PRIM2: variants seen among roughly 807,000 people sequenced by gnomAD.
The protein encoded by PRIM2 is DNA primase subunit 2.
Under a neutral mutation model 67.3 loss-of-function variants are expected in PRIM2, and 39 were observed. That is an observed-to-expected ratio of 0.58 (90% CI 0.45 to 0.76). The LOEUF (loss-of-function observed/expected upper bound fraction) is 0.76. PRIM2 is among the 30% of genes least tolerant of loss of function. The probability of loss-of-function intolerance (pLI) is 0.00; values close to 1 mark genes in which losing one functional copy is unlikely to be tolerated. For missense variants in PRIM2, 398 were observed against 598.7 expected, an observed-to-expected ratio of 0.66 and a Z score of 3.50; for synonymous variants, 143 against 198.7, an observed-to-expected ratio of 0.72 and a Z score of 2.36.
At chr6:57,398,221 A>G (rs1581863012) in intron 7 of PRIM2, among the ~76,000 whole-genome samples, 1 of 152,106 alleles carries the variant, frequency 6.6e-6, no homozygotes, top group Non-Finnish European at 1.5e-5. Flanking sequence ...GCCTCCCAGA[A>G]TGGTGGGATT....
intron 7 of PRIM2, among the ~76,000 whole-genome samples, chr6:57,398,963 T>C (rs571235089): frequency 2.0e-5 from 3 of 152,206 alleles, no homozygotes; most frequent in Admixed American, 2.0e-4. Context: ...GAAATTGGGA[T>C]TGCAACCCCT....
At position 57,573,997 on chromosome 6, in the gene PRIM2, G is replaced by C. The variant is rs1192748239; in HGVS notation, c.1021-27096G>C. On this transcript the variant is annotated intron_variant, in intron 10 of 13. Coordinates refer to ENST00000615550, the MANE Select transcript of PRIM2 (RefSeq NM_000947.5). ...CTGTAGTAGTGAGGCAAAAGAATAG[G>C]CTCTGAAGGCAGGGAACCTAAGGCC... Among the ~76,000 whole-genome samples the C allele has an allele frequency of 1.1e-3, 164 of 151,690 alleles. 1 individual carries two copies. The Middle Eastern group carries it at 0.031, about 28-fold the overall frequency.
chr6:57,526,333 G>A (rs1774752241), intron 8 of PRIM2, among the ~76,000 whole-genome samples: 1 of 152,088 alleles, frequency 6.6e-6, no homozygotes. Context: ...ATTATGCATA[G>A]GGAGTGTAAG....
At chr6:57,614,378 G>GA (rs1306412628) in intron 12 of PRIM2, among the ~76,000 whole-genome samples, 1 of 151,958 alleles carries the variant, frequency 6.6e-6, no homozygotes. Flanking sequence ...GAACATCTTT[G>GA]AAAAAATGGT....
At chr6:57,610,380 T>C (rs1231814222) in intron 12 of PRIM2, among the ~76,000 whole-genome samples, 4 of 152,188 alleles carry the variant, frequency 2.6e-5, no homozygotes, top group African/African-American at 7.2e-5. Context: ...GAAATAGATA[T>C]TTTAAGTAAT....
chr6:57,467,434 A>T (rs1172871851), intron 7 of PRIM2, among the ~76,000 whole-genome samples: 1 of 152,022 alleles, frequency 6.6e-6, no homozygotes, highest in Non-Finnish European at 1.5e-5. Flanking sequence ...TGAGATGTTT[A>T]TAGATGTGTG....
At chr6:57,438,746 T>C (rs1479595633) in intron 7 of PRIM2, among the ~76,000 whole-genome samples, 3 of 152,148 alleles carry the variant, frequency 2.0e-5, no homozygotes, top group African/African-American at 4.8e-5. Context: ...AGTTCATGAA[T>C]TGTGCATGTA....
intron 10 of PRIM2, among the ~76,000 whole-genome samples, chr6:57,584,427 C>A (rs1271240977): frequency 6.6e-6 from 1 of 152,130 alleles, no homozygotes; most frequent in Non-Finnish European, 1.5e-5. Context: ...TAAGGTTATT[C>A]TATTTAATAC....
intron 12 of PRIM2, among the ~76,000 whole-genome samples, chr6:57,615,769 C>T (rs1776745473): frequency 1.3e-5 from 2 of 152,228 alleles, no homozygotes; most frequent in Non-Finnish European, 2.9e-5. Context: ...TGATGCACAC[C>T]TGTAGTTCTA....
At chr6:57,559,552 T>G (rs1402786985) in intron 10 of PRIM2, among the ~76,000 whole-genome samples, 7 of 152,338 alleles carry the variant, frequency 4.6e-5, no homozygotes, top group South Asian at 2.1e-4. Context: ...TGATTTAAAA[T>G]AATTGAAGAA....
intron 10 of PRIM2, among the ~76,000 whole-genome samples, chr6:57,587,873 G>A (rs1463095331): frequency 7.9e-5 from 12 of 151,908 alleles, no homozygotes; most frequent in South Asian, 2.1e-4. Context: ...AGTAATGCAC[G>A]GATTAGAAGT....
chr6:57,611,721 G>C (rs1283070714), intron 12 of PRIM2, among the ~76,000 whole-genome samples: 2 of 152,050 alleles, frequency 1.3e-5, no homozygotes, highest in Admixed American at 6.6e-5. Flanking sequence ...CCTTGGGTTT[G>C]GTGTGTTCCC....
the PRIM2 span, among the ~76,000 whole-genome samples, chr6:57,305,189 C>T: frequency 6.6e-6 from 1 of 152,086 alleles, no homozygotes. Context: ...TTACAACCTA[C>T]TTCAGTTTCC....
At chr6:57,457,137 G>A (rs150155952) in intron 7 of PRIM2, among the ~76,000 whole-genome samples, 96 of 122,000 alleles carry the variant, frequency 7.9e-4, no homozygotes, top group African/African-American at 3.0e-3. Flanking sequence ...CTGCCTGATC[G>A]TTCCTCTGGA....
At chr6:57,299,095 T>C in the PRIM2 span, among the ~76,000 whole-genome samples, 4 of 152,172 alleles carry the variant, frequency 2.6e-5, no homozygotes, top group East Asian at 1.9e-4. Context: ...TTTTTCTGTG[T>C]GTGTGTGTGT....
At chr6:57,239,598 AG>A in the PRIM2 span, among the ~76,000 whole-genome samples, 1 of 152,054 alleles carries the variant, frequency 6.6e-6, no homozygotes, top group Non-Finnish European at 1.5e-5. Context: ...AAAAATTAGC[AG>A]GGTGTGGTGG....
In PRIM2 at chr6:57,318,589, T is replaced by C; in HGVS notation, c.144T>C (p.Asp48=). The C allele has an allele frequency of 6.4e-7, 1 of 1,560,540 alleles. No individual in the cohort carries two copies. Among genetic ancestry groups the C allele is most frequent in the Non-Finnish European group, 8.7e-7 (1 of 1,150,172 alleles). ...SLIEFENLAI[D]RVKLLKSVEN... ...TAGAATTTGAAAACTTGGCTATTGATAGAGTTAAATGTAAGTACTATTTAA... is the reference window on the plus strand; with the variant it reads ...TAGAATTTGAAAACTTGGCTATTGACAGAGTTAAATGTAAGTACTATTTAA... The change falls in exon 2 of 14, where the codon GAT becomes GAC. Residue 48 remains aspartate (D), a synonymous_variant. Coordinates refer to ENST00000615550, the MANE Select transcript of PRIM2 (RefSeq NM_000947.5).
chr6:57,386,033 A>G (rs1005486134), intron 7 of PRIM2, among the ~76,000 whole-genome samples: 9 of 151,640 alleles, frequency 5.9e-5, no homozygotes, highest in Non-Finnish European at 1.2e-4. Flanking sequence ...TTAGGAATGG[A>G]ATTGTAGGGT....
intron 7 of PRIM2, among the ~76,000 whole-genome samples, chr6:57,438,274 G>C (rs1562752668): frequency 6.6e-6 from 1 of 151,948 alleles, no homozygotes; most frequent in East Asian, 1.9e-4. Context: ...TACAAATTCT[G>C]CTACTTTAAA....
Sources: gnomAD v4.1 joint callset for allele counts (sites outside exome capture counted in the v4.1 genomes callset) on GRCh38, gnomAD v4.1.1 for gene constraint, MANE v1.5 for transcripts, NCBI Gene and HGNC (gene_info 2026-07-23, HGNC 2026-07-21) for gene names.